Variants in CYB5R4 observed in about 807,000 individuals in gnomAD.
CYB5R4 encodes the protein cytochrome b5 reductase 4, also known as N-terminal cytochrome b5 and cytochrome b5 oxidoreductase domain-containing protein.
In CYB5R4, 55 loss-of-function variants were observed where a neutral mutation model predicts 70.2. The observed-to-expected ratio is 0.78, with a 90% confidence interval of 0.63 to 0.98. The LOEUF is 0.98. CYB5R4 is among the 50% of genes least tolerant of loss of function. The pLI is 0.00. For synonymous variants in CYB5R4, 197 were observed against 199.5 expected (o/e 0.99, Z 0.11); for missense variants, 562 against 612.6 (o/e 0.92, Z 0.87).
intron 4 of CYB5R4, among the ~76,000 whole-genome samples, chr6:83,912,056 C>CAAAAAA (rs34601186): frequency 4.6e-5 from 3 of 64,680 alleles, no homozygotes; most frequent in African/African-American, 1.0e-4. Flanking sequence ...GGCCTTGTCT[C>CAAAAAA]AAAAAAAAAA....
intron 2 of CYB5R4, among the ~76,000 whole-genome samples, chr6:83,886,210 A>G (rs1536148): frequency 0.18 from 27,549 of 151,918 alleles, 5,282 homozygotes; most frequent in African/African-American, 0.47. Context: ...TCCTCTTTTC[A>G]TAAAGCCACC....
chr6:83,892,110 G>T (rs1474785118), intron 2 of CYB5R4, among the ~76,000 whole-genome samples: 4 of 152,112 alleles, frequency 2.6e-5, no homozygotes, highest in Non-Finnish European at 5.9e-5. Context: ...TCTAAATCTT[G>T]TGGGACTCTA....
At chr6:83,886,431 A>G (rs1182078964) in intron 2 of CYB5R4, among the ~76,000 whole-genome samples, 1 of 152,236 alleles carries the variant, frequency 6.6e-6, no homozygotes, top group Non-Finnish European at 1.5e-5. Context: ...ATATCCATAG[A>G]AGAAATATTA....
At chr6:83,938,724 A>C (rs1355213191) in intron 12 of CYB5R4, among the ~76,000 whole-genome samples, 1 of 152,238 alleles carries the variant, frequency 6.6e-6, no homozygotes, top group Non-Finnish European at 1.5e-5. Flanking sequence ...AAAGTTACCA[A>C]GTTAATACTC....
intron 8 of CYB5R4, among the ~76,000 whole-genome samples, chr6:83,922,204 A>G (rs541123756): frequency 1.1e-3 from 166 of 152,314 alleles, no homozygotes; most frequent in African/African-American, 3.7e-3. Context: ...TTTATGGGCA[A>G]TTGAGTATTT....
At chr6:83,943,175 C>A (rs1346565143) in intron 14 of CYB5R4, among the ~76,000 whole-genome samples, 1 of 152,130 alleles carries the variant, frequency 6.6e-6, no homozygotes, top group African/African-American at 2.4e-5. Context: ...GGGGAGACAC[C>A]CCCCAGCAGG....
chr6:83,890,544 T>A (rs910946812), intron 2 of CYB5R4, among the ~76,000 whole-genome samples: 5 of 152,180 alleles, frequency 3.3e-5, no homozygotes, highest in Non-Finnish European at 5.9e-5. Context: ...AACAAAGGAT[T>A]TATAATATTA....
intron 3 of CYB5R4, among the ~76,000 whole-genome samples, chr6:83,901,198 A>G (rs375749309): frequency 2.0e-5 from 3 of 152,052 alleles, no homozygotes; most frequent in African/African-American, 4.8e-5. Context: ...GTCTGTAAAG[A>G]ATTTTATTTC....
chr6:83,924,733 A>G (rs2099466986), intron 10 of CYB5R4, 141 bp downstream of exon 10: 5 of 835,882 alleles, frequency 6.0e-6, no homozygotes, highest in Middle Eastern at 2.7e-4. Flanking sequence ...GAAAGGGACA[A>G]TGTGTGTTGT....
intron 14 of CYB5R4, among the ~76,000 whole-genome samples, chr6:83,943,272 A>G (rs1474395670): frequency 1.3e-5 from 2 of 152,196 alleles, no homozygotes; most frequent in African/African-American, 4.8e-5. Context: ...AGGAACAGGC[A>G]GCAATCTTTG....
chr6:83,929,923 G>A (rs767648665), intron 10 of CYB5R4, among the ~76,000 whole-genome samples: 2 of 152,086 alleles, frequency 1.3e-5, no homozygotes, highest in Non-Finnish European at 2.9e-5. Context: ...ACATGTTGGA[G>A]ATGTTGTGGG....
Position 83,914,927 on chromosome 6 carries a change from G to T in CYB5R4, c.445+479G>T, listed in dbSNP as rs925182237. Reference sequence around the variant, plus strand: ...AGGGTTTTATAGGCTCCTTATTCCAGCCATTACTCTTATCGTCGTGCCTTC... The same window carrying T: ...AGGGTTTTATAGGCTCCTTATTCCATCCATTACTCTTATCGTCGTGCCTTC... On this transcript the variant is annotated intron_variant, in intron 5 of 15. Transcript: ENST00000369681. 1.1e-4 allele frequency among the ~76,000 whole-genome samples: 16 copies of T among 151,278 alleles called. No individual in the cohort carries two copies. The East Asian group carries it at 3.1e-3, about 29-fold the overall frequency.
chr6:83,954,802 T>A (rs2099472077), intron 14 of CYB5R4, among the ~76,000 whole-genome samples: 1 of 152,098 alleles, frequency 6.6e-6, no homozygotes. Flanking sequence ...CAATCATATC[T>A]CACTGGATCA....
chr6:83,940,917 T>A (rs2099469661), intron 14 of CYB5R4, among the ~76,000 whole-genome samples: 1 of 152,178 alleles, frequency 6.6e-6, no homozygotes, highest in Non-Finnish European at 1.5e-5. Flanking sequence ...TGCAAGATTT[T>A]TCCTGTTATA....
In CYB5R4 at chr6:83,891,831, C is replaced by G. The variant is rs1434177023; in HGVS notation, c.230-1691C>G. ...TGGAATGTTTTAGGCTTTATGTGCTCATCATGGATAGCTATTTAAGCTACC... is the reference window on the plus strand; with the variant it reads ...TGGAATGTTTTAGGCTTTATGTGCTGATCATGGATAGCTATTTAAGCTACC... On this transcript the variant is annotated intron_variant, in intron 2 of 15. Coordinates refer to ENST00000369681, the MANE Select transcript of CYB5R4 (RefSeq NM_016230.4). 4.6e-4 allele frequency among the ~76,000 whole-genome samples: 70 copies of G among 152,146 alleles called. 1 individual carries two copies. Among genetic ancestry groups the G allele is most frequent in the Admixed American group, 4.6e-3 (70 of 15,278 alleles).
intron 14 of CYB5R4, among the ~76,000 whole-genome samples, chr6:83,942,010 A>T (rs1588583936): frequency 6.6e-6 from 1 of 152,230 alleles, no homozygotes; most frequent in East Asian, 1.9e-4. Flanking sequence ...AAGTATTGTG[A>T]GCTTTGGAGA....
At position 83,914,426 on chromosome 6, in the gene CYB5R4, G is replaced by A; in HGVS notation, c.423G>A (p.Glu141=). ...IKPAVLKDYR[E]EEKKVLNGML... ...TAAATCACTATACAGACTATCGTGA[G>A]GAGGAAAAGAAAGTCTTAAATGGTA... is the stretch of plus-strand genomic sequence containing the variant. Residue 141 remains glutamate, a synonymous_variant, in exon 5 of 16, where the codon GAG becomes GAA. Transcript: ENST00000369681. 6.5e-7 allele frequency: 1 copy of A among 1,529,944 alleles called. No individual in the cohort carries two copies. 94.8% of individuals were successfully genotyped at this position (1,529,944 alleles called of 1,614,324 possible). A position where few individuals can be genotyped will look rare whatever the true frequency, so the allele number is the denominator to read the frequency against.
intron 3 of CYB5R4, among the ~76,000 whole-genome samples, chr6:83,901,677 A>C (rs1380864824): frequency 6.7e-6 from 1 of 149,446 alleles, no homozygotes; most frequent in African/African-American, 2.5e-5. Flanking sequence ...CCTTTTCTTT[A>C]CATCCTCACC....
chr6:83,872,873 G>A (rs975706654), intron 2 of CYB5R4, among the ~76,000 whole-genome samples: 1 of 152,198 alleles, frequency 6.6e-6, no homozygotes, highest in African/African-American at 2.4e-5. Flanking sequence ...ATATATGACA[G>A]GGAGTAGTTC....
Sources: allele counts gnomAD v4.1 joint callset (sites outside exome capture counted in the v4.1 genomes callset), GRCh38; gene constraint gnomAD v4.1.1; transcripts MANE v1.5; gene names NCBI Gene and HGNC (gene_info 2026-07-23, HGNC 2026-07-21).